Variants in CACNA2D1 observed in about 807,000 individuals in gnomAD.
CACNA2D1 encodes voltage-dependent calcium channel subunit alpha-2/delta-1.
CACNA2D1 carries 53 observed loss-of-function variants against 171.5 expected under a neutral mutation model. That is an observed-to-expected ratio of 0.31 (90% CI 0.25 to 0.39). The LOEUF (loss-of-function observed/expected upper bound fraction) is 0.39, where lower values mean the gene tolerates loss of function less well. Ranked by LOEUF, CACNA2D1 falls within the 10% of genes least tolerant of loss-of-function variation. The pLI, the probability that CACNA2D1 is intolerant of heterozygous loss-of-function variation, is 1.00. For synonymous variants in CACNA2D1, 442 were observed against 443.1 expected, an observed-to-expected ratio of 1.00 and a Z score of 0.03; for missense variants, 903 against 1,299.8, an observed-to-expected ratio of 0.69 and a Z score of 4.69.
intron 6 of CACNA2D1, among the ~76,000 whole-genome samples, chr7:82,114,590 A>C (rs1309046987): frequency 6.6e-6 from 1 of 151,882 alleles, no homozygotes; most frequent in East Asian, 1.9e-4. Flanking sequence ...TAAATACAAA[A>C]AAACAAACAA....
rs1212999244 is a variant in CACNA2D1 at position 82,387,813 on chromosome 7, G to C, written c.96-38164C>G. Among the ~76,000 whole-genome samples, 3 of 152,222 alleles carry C rather than the reference G, an allele frequency of 2.0e-5. No individual in the cohort carries two copies. In the East Asian group the frequency reaches 5.8e-4, roughly 29 times the overall value. ...TTAAATCTGAAGGCCGGGTGCACTGGCTCATGCTTGTAATCCCAGCACTTT... is the reference window on the plus strand; with the variant it reads ...TTAAATCTGAAGGCCGGGTGCACTGCCTCATGCTTGTAATCCCAGCACTTT... On this transcript the variant is annotated intron_variant, in intron 1 of 38. Coordinates refer to ENST00000356860, the MANE Select transcript of CACNA2D1 (RefSeq NM_000722.4).
intron 1 of CACNA2D1, among the ~76,000 whole-genome samples, chr7:82,391,239 G>C (rs1229409920): frequency 6.6e-6 from 1 of 152,212 alleles, no homozygotes; most frequent in Non-Finnish European, 1.5e-5. Context: ...GATGGTTTTA[G>C]AATCTGACAA....
chr7:82,355,724 C>T (rs1820347007), intron 1 of CACNA2D1, among the ~76,000 whole-genome samples: 2 of 151,990 alleles, frequency 1.3e-5, no homozygotes, highest in African/African-American at 4.8e-5. Context: ...TTCATTTTCC[C>T]AAAGCCAAAT....
chr7:82,141,962 G>A (rs1792448292), intron 4 of CACNA2D1, among the ~76,000 whole-genome samples: 2 of 152,130 alleles, frequency 1.3e-5, no homozygotes, highest in African/African-American at 2.4e-5. Flanking sequence ...ATAGAATAGA[G>A]TAATCTTGTT....
chr7:82,165,660 A>C (rs1795379436), intron 4 of CACNA2D1, among the ~76,000 whole-genome samples: 1 of 152,036 alleles, frequency 6.6e-6, no homozygotes, highest in Non-Finnish European at 1.5e-5. Flanking sequence ...TTGGTTTTCC[A>C]GAATTTTGGA....
At chr7:81,995,440 C>A (rs1797942647) in intron 19 of CACNA2D1, among the ~76,000 whole-genome samples, 1 of 152,092 alleles carries the variant, frequency 6.6e-6, no homozygotes, top group African/African-American at 2.4e-5. Context: ...AAACTATAAA[C>A]ACCTATTTGG....
intron 1 of CACNA2D1, among the ~76,000 whole-genome samples, chr7:82,409,350 C>T (rs1443909613): frequency 1.3e-5 from 2 of 152,104 alleles, no homozygotes; most frequent in Non-Finnish European, 2.9e-5. Context: ...CTGAATGCAC[C>T]TTACAGAGTT....
rs147099559 is a variant in CACNA2D1 at position 82,116,959 on chromosome 7, C to T, written c.526+85G>A. ...GACAAACAAAACAATGTCACATTTG[C>T]TCTTTTTTTTCCCCCTCAAACATGG... On this transcript the variant is annotated intron_variant, in intron 6 of 38. Coordinates refer to ENST00000356860, the MANE Select transcript of CACNA2D1 (RefSeq NM_000722.4). 41,367 of 1,407,010 alleles carry T rather than the reference C, an allele frequency of 0.029. 828 individuals are homozygous for T. Among genetic ancestry groups the T allele is most frequent in the South Asian group, 0.057 (4,944 of 86,654 alleles). The allele number at this position is 1,407,010 out of a possible 1,614,324, so 87.2% of individuals were successfully genotyped here.
At chr7:82,395,471 G>A (rs935545923) in intron 1 of CACNA2D1, among the ~76,000 whole-genome samples, 28 of 152,206 alleles carry the variant, frequency 1.8e-4, no homozygotes, top group South Asian at 8.3e-4. Flanking sequence ...GTAATTCAAC[G>A]TAATGTAGTT....
chr7:82,417,566 G>A (rs1828297040), intron 1 of CACNA2D1, among the ~76,000 whole-genome samples: 1 of 152,156 alleles, frequency 6.6e-6, no homozygotes, highest in Non-Finnish European at 1.5e-5. Flanking sequence ...ACGGAAACAT[G>A]TATCATGGGT....
chr7:81,970,676 C>T lies in CACNA2D1; in HGVS notation c.2203G>A (p.Glu735Lys), dbSNP rs1554333590. Residue 735 changes from glutamate (E) to lysine (K), a missense_variant and splice_region_variant, in exon 27 of 39, where the codon GAG becomes AAG. Physicochemically the swap from Glu to Lys is moderately conservative, Grantham distance 56. This residue lies in a region of CACNA2D1 where 623 missense variants were observed against 925.5 expected (regional missense o/e 0.67). Transcript: ENST00000356860. ...TTTACAGATGTTATTTGAACTTACT[C>T]TTTGGGATAAACTCTGGTAATCCCA... is the stretch of plus-strand genomic sequence containing the variant. Reference protein sequence around the residue: ...DGGITRVYPKEAGENWQENPE... With the variant: ...DGGITRVYPKKAGENWQENPE... 3.9e-6 allele frequency: 6 copies of T among 1,549,624 alleles called. No individual in the cohort carries two copies. The East Asian group carries it at 9.0e-5, about 23-fold the overall frequency.
chr7:82,288,696 C>T (rs116310986), intron 3 of CACNA2D1, among the ~76,000 whole-genome samples: 2,667 of 152,180 alleles, frequency 0.018, 61 homozygotes, highest in Middle Eastern at 0.065. Context: ...CGTAATTTCC[C>T]ACCTGACAAC....
At chr7:81,951,299 C>G (rs966151037) in intron 38 of CACNA2D1, among the ~76,000 whole-genome samples, 13 of 152,042 alleles carry the variant, frequency 8.6e-5, no homozygotes, top group Admixed American at 7.2e-4. Context: ...TGTCCACATC[C>G]TTTAATTCCT....
At chr7:81,969,130 T>G (rs1448468230) in intron 28 of CACNA2D1, among the ~76,000 whole-genome samples, 157 bp from the exon 29 acceptor site, 1 of 151,512 alleles carries the variant, frequency 6.6e-6, no homozygotes, top group Non-Finnish European at 1.5e-5. Flanking sequence ...CTTCTTCCGT[T>G]GTATACACTA....
chr7:82,126,486 T>C (rs886311113), intron 5 of CACNA2D1, among the ~76,000 whole-genome samples: 8 of 152,232 alleles, frequency 5.3e-5, no homozygotes, highest in Admixed American at 4.6e-4. Context: ...TTGAATGATG[T>C]AGGCTCTTTG....
intron 5 of CACNA2D1, among the ~76,000 whole-genome samples, chr7:82,133,393 C>G (rs1389810408): frequency 6.6e-6 from 1 of 152,112 alleles, no homozygotes; most frequent in African/African-American, 2.4e-5. Flanking sequence ...GTAATCAAAA[C>G]AGTGAAAAAC....
intron 1 of CACNA2D1, among the ~76,000 whole-genome samples, chr7:82,398,258 T>C (rs950546606): frequency 6.6e-6 from 1 of 152,230 alleles, no homozygotes; most frequent in Non-Finnish European, 1.5e-5. Flanking sequence ...AATTTCTTCA[T>C]GATTTTTATT....
At chr7:82,236,285 T>C (rs1305596338) in intron 3 of CACNA2D1, among the ~76,000 whole-genome samples, 1 of 152,098 alleles carries the variant, frequency 6.6e-6, no homozygotes, top group East Asian at 1.9e-4. Flanking sequence ...TTGGATCCAT[T>C]CTGTTTTAGG....
At chr7:81,977,579 C>T (rs1229513) in intron 24 of CACNA2D1, among the ~76,000 whole-genome samples, 45,582 of 151,946 alleles carry the variant, frequency 0.3, 7,717 homozygotes, top group Non-Finnish European at 0.38. Flanking sequence ...ACACCTTATA[C>T]AAAAATTAAC....
Sources: allele counts gnomAD v4.1 joint callset (sites outside exome capture counted in the v4.1 genomes callset), GRCh38; gene constraint gnomAD v4.1.1; regional missense constraint gnomAD v4.1.1; transcripts MANE v1.5; gene names NCBI Gene and HGNC (gene_info 2026-07-23, HGNC 2026-07-21).